Variants in CEP135 observed in about 807,000 individuals in gnomAD.
CEP135 encodes the protein centrosomal protein 135, also known as centrosomal protein of 135 kDa.
In CEP135, 142 loss-of-function variants were observed where a neutral mutation model predicts 157.3. The ratio of observed to expected loss-of-function variants is 0.90; its 90% CI spans 0.79 to 1.04. CEP135 has a LOEUF of 1.04. CEP135 is among the 50% of genes least tolerant of loss of function. CEP135 has a pLI of 0.00. For synonymous variants in CEP135, 396 were observed against 439.8 expected (o/e 0.90, Z 1.25); for missense variants, 1,317 against 1,309.2 (o/e 1.01, Z -0.09).
At chr4:55,978,595 G>A (rs1577881135) in intron 11 of CEP135, among the ~76,000 whole-genome samples, 1 of 152,346 alleles carries the variant, frequency 6.6e-6, no homozygotes, top group Non-Finnish European at 1.5e-5. Flanking sequence ...CTGTCCCTCA[G>A]GCTGGAGTGC....
At position 56,011,439 on chromosome 4, in the gene CEP135, G is replaced by A; in HGVS notation, c.2533G>A (p.Val845Met). The A allele has an allele frequency of 1.2e-6, 2 of 1,612,256 alleles. No homozygotes were observed. Among genetic ancestry groups the A allele is most frequent in the Non-Finnish European group, 8.5e-7 (1 of 1,179,448 alleles). Residue 845 changes from valine to methionine, a missense_variant, in exon 20 of 26, where the codon GTG becomes ATG. Transcript: ENST00000257287. ...AATCTCATTGGAATTGGAAGCAGCA[G>A]TGCAAGAAAAAGAAGAAATGAAGAG... ...QEISLELEAA[V>M]QEKEEMKSRV...
rs767993141 is a variant in CEP135, at chr4:55,959,734, A to T, written c.667A>T (p.Met223Leu). ...CCAGCTACAAGAAAAGTTAGCAATG[A>T]TGGAAAGTGGGGTGAGAGACTATAG... is the stretch of plus-strand genomic sequence containing the variant. ...VHQLQEKLAM[M>L]ESGVRDYSKQ... is the part of the protein sequence containing the mutation. Residue 223 changes from methionine (M) to leucine (L), a missense_variant, in exon 6 of 26, where the codon ATG (methionine) becomes TTG (leucine). Met to Leu is a conservative substitution (Grantham distance 15). Transcript: ENST00000257287. 6.2e-7 allele frequency: 1 copy of T among 1,614,140 alleles called. No individual in the cohort carries two copies.
At chr4:55,968,651 T>C (rs56178933) in intron 8 of CEP135, among the ~76,000 whole-genome samples, 3,192 of 152,248 alleles carry the variant, frequency 0.021, 113 homozygotes, top group African/African-American at 0.073. Flanking sequence ...CTCAACAAAA[T>C]GTTCCTATTG....
intron 17 of CEP135, among the ~76,000 whole-genome samples, 188 bp downstream of exon 17, chr4:55,999,833 G>A (rs1462722319): frequency 6.6e-6 from 1 of 152,066 alleles, no homozygotes; most frequent in East Asian, 1.9e-4. Flanking sequence ...ACAGGCATGA[G>A]CCACTACTCC....
intron 15 of CEP135, among the ~76,000 whole-genome samples, chr4:55,995,568 T>G (rs1729943285): frequency 6.6e-6 from 1 of 152,190 alleles, no homozygotes; most frequent in Admixed American, 6.5e-5. Flanking sequence ...ATATATAAAA[T>G]GAAGTAGTGT....
intron 4 of CEP135, 34 bp downstream of exon 4, chr4:55,954,417 C>T: frequency 6.5e-7 from 1 of 1,548,298 alleles, no homozygotes; most frequent in Non-Finnish European, 8.7e-7. Context: ...AAATTATACA[C>T]ATTTAATCTT....
intron 3 of CEP135, 42 bp downstream of exon 3, chr4:55,953,317 T>C (rs1454945444): frequency 1.3e-5 from 18 of 1,349,416 alleles, no homozygotes; most frequent in Non-Finnish European, 1.8e-5. Flanking sequence ...AATGTCTTTG[T>C]CCTTTTTATT....
intron 22 of CEP135, among the ~76,000 whole-genome samples, chr4:56,018,655 G>C (rs548790240): frequency 6.6e-6 from 1 of 152,058 alleles, no homozygotes; most frequent in South Asian, 2.1e-4. Context: ...CTACTCGGGA[G>C]GCTGAGGCAG....
chr4:55,959,541 T>C (rs1467595679), intron 5 of CEP135, 141 bp from the exon 6 acceptor site: 13 of 689,478 alleles, frequency 1.9e-5, no homozygotes, highest in African/African-American at 5.5e-5. Context: ...TTATATTGAT[T>C]TGGGGACCCT....
Position 56,015,169 on chromosome 4 carries a change from A to T in CEP135, c.2803-2479A>T, listed in dbSNP as rs147103624. ...AAGAGATTAGATATGTGACTCATGAATCCAATCAATCATCTCAGCAGAATC... is the reference window on the plus strand; with the variant it reads ...AAGAGATTAGATATGTGACTCATGATTCCAATCAATCATCTCAGCAGAATC... On this transcript the variant is annotated intron_variant, in intron 21 of 25. Coordinates refer to ENST00000257287, the MANE Select transcript of CEP135 (RefSeq NM_025009.5). Among the ~76,000 whole-genome samples the T allele has an allele frequency of 3.7e-3, 567 of 152,344 alleles. 2 individuals carry two copies. Among genetic ancestry groups the T allele is most frequent in the Middle Eastern group, 0.017 (5 of 294 alleles).
At chr4:55,959,945 C>A (rs1728628946) in intron 6 of CEP135, 179 bp downstream of exon 6, 1 of 628,030 alleles carries the variant, frequency 1.6e-6, no homozygotes, top group South Asian at 2.0e-5. Flanking sequence ...CTTACTTAGC[C>A]TGTCTCTTCA....
chr4:55,981,524 A>AT, intron 13 of CEP135, 145 bp downstream of exon 13: 1 of 586,590 alleles, frequency 1.7e-6, no homozygotes. Flanking sequence ...ATTAAGAAGA[A>AT]TATTTCATTG....
At chr4:55,999,776 C>A (rs1274709470) in intron 17 of CEP135, 131 bp downstream of exon 17, 4 of 841,576 alleles carry the variant, frequency 4.8e-6, no homozygotes, top group Admixed American at 3.0e-5. Context: ...CACTGCAACC[C>A]CTATCTCTTG....
At chr4:56,008,231 A>T in intron 17 of CEP135, 96 bp from the exon 18 acceptor site, 1 of 815,900 alleles carries the variant, frequency 1.2e-6, no homozygotes, top group Admixed American at 2.2e-5. Flanking sequence ...TATATAATTG[A>T]GCTGTGTATT....
chr4:56,013,675 A>AGATT (rs1312729331), intron 21 of CEP135, among the ~76,000 whole-genome samples: 2 of 152,214 alleles, frequency 1.3e-5, no homozygotes, highest in East Asian at 3.8e-4. Context: ...ACCCTGGGTT[A>AGATT]GATTGATATA....
intron 21 of CEP135, among the ~76,000 whole-genome samples, chr4:56,013,090 A>C (rs1249946464): frequency 2.0e-5 from 3 of 152,182 alleles, no homozygotes; most frequent in African/African-American, 7.2e-5. Flanking sequence ...AGCCGTCATA[A>C]TGGGAATAGA....
intron 2 of CEP135, 162 bp downstream of exon 2, chr4:55,952,405 A>G: frequency 1.8e-6 from 1 of 552,952 alleles, no homozygotes; most frequent in Non-Finnish European, 3.3e-6. Flanking sequence ...GGCCTTCCAC[A>G]CGGCAGAACT....
chr4:56,024,410 C>A, intron 24 of CEP135, 91 bp from the exon 25 acceptor site: 1 of 817,598 alleles, frequency 1.2e-6, no homozygotes, highest in Non-Finnish European at 2.0e-6. Flanking sequence ...TAATTTATTA[C>A]AAATTAGCTA....
Position 55,974,813 on chromosome 4 carries a change from A to G in CEP135, c.1317A>G (p.Ser439=). The G allele has an allele frequency of 6.2e-7, 1 of 1,613,950 alleles. No individual in the cohort carries two copies. The highest frequency in any genetic ancestry group is 1.7e-5 in the Admixed American group (1 of 60,024). ...LEHGIKRRDR[S]PSRLDTFLKG... ...ATGGAATAAAACGTCGAGACAGGTC[A>G]CCTTCTCGTTTAGATACATTTCTGA... The change falls in exon 11 of 26, where the codon TCA becomes TCG. Residue 439 remains serine (S), a synonymous_variant. Coordinates refer to ENST00000257287, the MANE Select transcript of CEP135 (RefSeq NM_025009.5).
Sources: gnomAD v4.1 joint callset for allele counts (sites outside exome capture counted in the v4.1 genomes callset) on GRCh38, gnomAD v4.1.1 for gene constraint, MANE v1.5 for transcripts, NCBI Gene and HGNC (gene_info 2026-07-23, HGNC 2026-07-21) for gene names.